ATP8B1: variants seen among roughly 807,000 people sequenced by gnomAD.
ATP8B1 encodes the protein phospholipid-transporting ATPase IC.
In ATP8B1, 80 loss-of-function variants were observed where a neutral mutation model predicts 149.9. The observed-to-expected ratio is 0.53, with a 90% CI of 0.45 to 0.64. ATP8B1 has a LOEUF of 0.64. ATP8B1 is among the 30% of genes least tolerant of loss of function. The probability of loss-of-function intolerance (pLI) is 0.00; values close to 1 mark genes in which losing one functional copy is unlikely to be tolerated. For missense variants in ATP8B1, 1,247 were observed against 1,552.6 expected, an observed-to-expected ratio of 0.80 and a Z score of 3.31; for synonymous variants, 536 against 562.8, an observed-to-expected ratio of 0.95 and a Z score of 0.67.
In ATP8B1 at chr18:57,711,724, G is replaced by A. The variant is rs1913696531; in HGVS notation, c.182-5137C>T. 3.3e-5 allele frequency among the ~76,000 whole-genome samples: 5 copies of A among 152,196 alleles called. No homozygotes were observed. The South Asian group carries it at 1.0e-3, about 32-fold the overall frequency. ...TCCTCCCACCTCAACTTCTGGAGTAGCTGAGACTAAAGTGCACGCCATCGT... is the reference window on the plus strand; with the variant it reads ...TCCTCCCACCTCAACTTCTGGAGTAACTGAGACTAAAGTGCACGCCATCGT... On this transcript the variant is annotated intron_variant, in intron 2 of 27. Coordinates refer to ENST00000648908, the MANE Select transcript of ATP8B1 (RefSeq NM_001374385.1).
chr18:57,743,939 C>T (rs1370740971), intron 1 of ATP8B1, among the ~76,000 whole-genome samples: 3 of 152,158 alleles, frequency 2.0e-5, no homozygotes, highest in Non-Finnish European at 1.5e-5. Context: ...TCACCTGGAA[C>T]ACCAAGTGGT....
At chr18:57,741,970 A>T (rs2079918454) in intron 1 of ATP8B1, among the ~76,000 whole-genome samples, 1 of 152,104 alleles carries the variant, frequency 6.6e-6, no homozygotes, top group African/African-American at 2.4e-5. Context: ...CCCAGGTTCA[A>T]ATGATTCTCC....
chr18:57,687,387 C>T (rs986138484), intron 13 of ATP8B1, among the ~76,000 whole-genome samples: 1 of 152,158 alleles, frequency 6.6e-6, no homozygotes, highest in African/African-American at 2.4e-5. Context: ...GTCCTTAACC[C>T]ATTTATGCCT....
intron 20 of ATP8B1, among the ~76,000 whole-genome samples, chr18:57,663,892 A>C (rs538453742): frequency 6.7e-6 from 1 of 150,152 alleles, no homozygotes; most frequent in African/African-American, 2.4e-5. Flanking sequence ...TCAGCCTCCC[A>C]AGTAGCTGGG....
chr18:57,719,463 A>G (rs2079616622), intron 2 of ATP8B1, among the ~76,000 whole-genome samples: 1 of 152,222 alleles, frequency 6.6e-6, no homozygotes. Context: ...GCAAGGGGTC[A>G]GGGAGTTCCC....
At position 57,790,567 on chromosome 18, in the gene ATP8B1, C is replaced by A. The variant is rs192378024; in HGVS notation, c.-26+12431G>T. On this transcript the variant is annotated intron_variant, in intron 1 of 27. Coordinates refer to ENST00000648908, the MANE Select transcript of ATP8B1 (RefSeq NM_001374385.1). ...CCCAGGGCCTTTGCACATGCGGTTC[C>A]CATTGACTGGACCACTCTTCCCCTG... Among the ~76,000 whole-genome samples the A allele has an allele frequency of 2.0e-5, 3 of 152,122 alleles. No individual in the cohort carries two copies. In the East Asian group the frequency reaches 5.8e-4, roughly 29 times the overall value.
intron 3 of ATP8B1, among the ~76,000 whole-genome samples, chr18:57,705,357 G>T (rs539086644): frequency 6.6e-6 from 1 of 152,278 alleles, no homozygotes; most frequent in East Asian, 1.9e-4. Flanking sequence ...AAGAGCAAAA[G>T]GTACTGTAGT....
chr18:57,756,222 C>T (rs375152912), intron 1 of ATP8B1, among the ~76,000 whole-genome samples: 13,643 of 106,136 alleles, frequency 0.13, 1,201 homozygotes, highest in African/African-American at 0.2. Flanking sequence ...CACACACACA[C>T]ACACACACAC....
chr18:57,740,012 T>A (rs1197682621), intron 1 of ATP8B1, among the ~76,000 whole-genome samples: 1 of 152,178 alleles, frequency 6.6e-6, no homozygotes, highest in Non-Finnish European at 1.5e-5. Flanking sequence ...CACTACCTAT[T>A]TTTTTAGATA....
At chr18:57,789,461 TAACATGTGGAAA>T (rs1360685372) in intron 1 of ATP8B1, among the ~76,000 whole-genome samples, 1 of 152,180 alleles carries the variant, frequency 6.6e-6, no homozygotes, top group East Asian at 1.9e-4. Context: ...TGGGTCAATA[TAACATGTGGAAA>T]TACAGTACAT....
intron 1 of ATP8B1, among the ~76,000 whole-genome samples, chr18:57,738,694 A>G (rs1297446192): frequency 6.6e-6 from 1 of 152,074 alleles, no homozygotes; most frequent in African/African-American, 2.4e-5. Context: ...TTTTGCCTCA[A>G]ATACTCCTCC....
chr18:57,726,563 G>A (rs1011601549), intron 2 of ATP8B1, among the ~76,000 whole-genome samples: 2 of 152,174 alleles, frequency 1.3e-5, no homozygotes, highest in Non-Finnish European at 2.9e-5. Context: ...TGATGTACAG[G>A]CAGGACTGAG....
intron 25 of ATP8B1, 28 bp downstream of exon 25, chr18:57,652,456 C>T (rs111931116): frequency 1.7e-5 from 28 of 1,614,084 alleles, no homozygotes; most frequent in African/African-American, 1.5e-4. Flanking sequence ...CCAATAGACA[C>T]TGAATACGGC....
intron 1 of ATP8B1, among the ~76,000 whole-genome samples, chr18:57,772,547 C>T (rs1373102534): frequency 2.0e-5 from 3 of 152,094 alleles, no homozygotes; most frequent in East Asian, 3.9e-4. Flanking sequence ...CTGGGAAGGC[C>T]TTGGGTGCTA....
intron 1 of ATP8B1, 84 bp from the exon 2 acceptor site, chr18:57,731,916 C>T: frequency 8.3e-7 from 1 of 1,205,634 alleles, no homozygotes; most frequent in Non-Finnish European, 1.2e-6. Context: ...CTACAATGCC[C>T]CTTTTACAGA....
chr18:57,782,907 G>C (rs113320427), intron 1 of ATP8B1, among the ~76,000 whole-genome samples: 7 of 143,052 alleles, frequency 4.9e-5, no homozygotes, highest in African/African-American at 1.8e-4. Context: ...TCGCCTCCTG[G>C]GTTCAAGCAA....
chr18:57,738,567 T>G (rs2079881359), intron 1 of ATP8B1, among the ~76,000 whole-genome samples: 1 of 152,004 alleles, frequency 6.6e-6, no homozygotes, highest in African/African-American at 2.4e-5. Context: ...TGCAGTGAGC[T>G]GAGATCGCGC....
chr18:57,673,230 G>A (rs1006969378), intron 16 of ATP8B1, among the ~76,000 whole-genome samples: 1 of 151,722 alleles, frequency 6.6e-6, no homozygotes, highest in Non-Finnish European at 1.5e-5. Context: ...ATGGATGAAA[G>A]ATCAAAAAGA....
At chr18:57,678,407 GA>G (rs35409649) in intron 15 of ATP8B1, among the ~76,000 whole-genome samples, 29,773 of 151,758 alleles carry the variant, frequency 0.2, 3,486 homozygotes, top group South Asian at 0.27. Context: ...CCAACATAGT[GA>G]AACCCCGTCT....
Sources: gnomAD v4.1 joint callset for allele counts (sites outside exome capture counted in the v4.1 genomes callset) on GRCh38, gnomAD v4.1.1 for gene constraint, MANE v1.5 for transcripts, NCBI Gene and HGNC (gene_info 2026-07-23, HGNC 2026-07-21) for gene names.